The following CACNA2D3 variants were observed in gnomAD, a reference collection of about 807,000 sequenced individuals.
The protein encoded by CACNA2D3 is calcium voltage-gated channel auxiliary subunit alpha2delta 3.
Under a neutral mutation model 160.6 loss-of-function variants are expected in CACNA2D3, and 60 were observed. The observed-to-expected ratio is 0.37, with a 90% CI of 0.30 to 0.46. CACNA2D3 has a LOEUF of 0.46. Among genes scored for constraint, CACNA2D3 ranks in the 20% least tolerant of loss-of-function variants. The pLI, the probability that CACNA2D3 is intolerant of heterozygous loss-of-function variation, is 1.00. For missense variants in CACNA2D3, 1,205 were observed against 1,365.0 expected (o/e 0.88, Z 1.85); for synonymous variants, 558 against 492.9 (o/e 1.13, Z -1.75).
At chr3:54,520,932 A>G (rs1701638361) in intron 5 of CACNA2D3, among the ~76,000 whole-genome samples, 1 of 152,194 alleles carries the variant, frequency 6.6e-6, no homozygotes, top group Admixed American at 6.5e-5. Flanking sequence ...TTTGTACCAT[A>G]TATCAGTATT....
At chr3:54,231,494 C>T (rs570052119) in intron 2 of CACNA2D3, among the ~76,000 whole-genome samples, 21 of 152,310 alleles carry the variant, frequency 1.4e-4, no homozygotes, top group African/African-American at 5.1e-4. Flanking sequence ...ATCAGGTACT[C>T]TCTGAGCATC....
At chr3:54,212,638 T>C (rs1701396198) in intron 2 of CACNA2D3, among the ~76,000 whole-genome samples, 1 of 152,162 alleles carries the variant, frequency 6.6e-6, no homozygotes, top group African/African-American at 2.4e-5. Context: ...ATGAGGTGTG[T>C]CCGACCCCCA....
chr3:54,198,722 C>G (rs1576993626), intron 2 of CACNA2D3, among the ~76,000 whole-genome samples: 1 of 152,262 alleles, frequency 6.6e-6, no homozygotes, highest in African/African-American at 2.4e-5. Context: ...TCCCTCAGGC[C>G]CCGGGGGGTT....
rs889071255 is a variant in CACNA2D3, at chr3:55,007,627, A to G, written c.2767-163A>G. On this transcript the variant is annotated intron_variant, in intron 32 of 37. Coordinates refer to ENST00000474759, the MANE Select transcript of CACNA2D3 (RefSeq NM_018398.3). Reference sequence around the variant, plus strand: ...AGTTTTAAAATGTTTGTTTTAGGATACAGTATCCAACAATTTTCTTCACTT... The same window carrying G: ...AGTTTTAAAATGTTTGTTTTAGGATGCAGTATCCAACAATTTTCTTCACTT... 4 of 564,858 alleles carry G rather than the reference A, an allele frequency of 7.1e-6. No individual in the cohort carries two copies. In the African/African-American group the frequency reaches 7.9e-5, roughly 11 times the overall value. 35.0% of individuals were successfully genotyped at this position (564,858 alleles called of 1,614,324 possible). A position where few individuals can be genotyped will look rare whatever the true frequency, so the allele number is the denominator to read the frequency against.
At chr3:54,931,621 A>G (rs1254909397) in intron 27 of CACNA2D3, among the ~76,000 whole-genome samples, 1 of 152,220 alleles carries the variant, frequency 6.6e-6, no homozygotes, top group Non-Finnish European at 1.5e-5. Context: ...CCAGGACCCC[A>G]GGTTCCCACA....
At chr3:54,391,816 G>A (rs1699287624) in intron 4 of CACNA2D3, among the ~76,000 whole-genome samples, 1 of 152,106 alleles carries the variant, frequency 6.6e-6, no homozygotes, top group Non-Finnish European at 1.5e-5. Context: ...CAGCCTGGCA[G>A]GGTAACTTTC....
chr3:54,496,659 T>C (rs1701207888), intron 4 of CACNA2D3, among the ~76,000 whole-genome samples: 1 of 152,288 alleles, frequency 6.6e-6, no homozygotes, highest in Non-Finnish European at 1.5e-5. Flanking sequence ...AAATTCCAAA[T>C]TATCCATTTT....
chr3:54,671,370 G>A (rs1700157746), intron 11 of CACNA2D3, among the ~76,000 whole-genome samples: 1 of 152,002 alleles, frequency 6.6e-6, no homozygotes, highest in African/African-American at 2.4e-5. Flanking sequence ...TCACAGAGAG[G>A]CTCTTGGGAG....
Position 54,682,553 on chromosome 3 carries a change from G to C in CACNA2D3, c.1167+40312G>C, listed in dbSNP as rs549319467. ...AGGCACAAGAATCGCTTGAGCTGCA[G>C]TGAGCTGAGATGGTGCCACTGCACT... is the stretch of plus-strand genomic sequence containing the variant. On this transcript the variant is annotated intron_variant, in intron 11 of 37. Transcript: ENST00000474759. 3.9e-5 allele frequency among the ~76,000 whole-genome samples: 6 copies of C among 152,274 alleles called. No homozygotes were observed. In the East Asian group the frequency reaches 1.2e-3, roughly 29 times the overall value.
intron 2 of CACNA2D3, among the ~76,000 whole-genome samples, chr3:54,291,089 C>G (rs1037946200): frequency 6.6e-6 from 1 of 152,154 alleles, no homozygotes; most frequent in Non-Finnish European, 1.5e-5. Flanking sequence ...CCTACATACA[C>G]AGGATGGATG....
chr3:54,311,987 C>T (rs78469127), intron 2 of CACNA2D3, among the ~76,000 whole-genome samples: 2,015 of 152,186 alleles, frequency 0.013, 19 homozygotes, highest in Non-Finnish European at 0.02. Flanking sequence ...AGGGTGGGAA[C>T]GTGAGGCTTC....
intron 4 of CACNA2D3, among the ~76,000 whole-genome samples, chr3:54,461,277 G>A (rs1013572497): frequency 6.6e-6 from 1 of 151,256 alleles, no homozygotes; most frequent in East Asian, 1.9e-4. Context: ...GTATCAGGAT[G>A]ATGCTGGCCT....
At chr3:54,568,372 T>C (rs1174301135) in intron 6 of CACNA2D3, among the ~76,000 whole-genome samples, 1 of 152,178 alleles carries the variant, frequency 6.6e-6, no homozygotes, top group East Asian at 1.9e-4. Flanking sequence ...GGTCTTAAGA[T>C]CACTCACCAC....
intron 2 of CACNA2D3, among the ~76,000 whole-genome samples, chr3:54,124,188 T>G (rs1359911473): frequency 1.3e-5 from 2 of 152,172 alleles, no homozygotes; most frequent in Non-Finnish European, 2.9e-5. Context: ...GTCCACAAAC[T>G]TAAGAAATGG....
chr3:54,128,860 G>A (rs909685302), intron 2 of CACNA2D3, among the ~76,000 whole-genome samples: 5 of 152,230 alleles, frequency 3.3e-5, no homozygotes, highest in African/African-American at 1.2e-4. Context: ...ATTAGCATAT[G>A]TGATTTTTTT....
intron 35 of CACNA2D3, among the ~76,000 whole-genome samples, chr3:55,071,261 A>G (rs1197415235): frequency 6.6e-6 from 1 of 152,092 alleles, no homozygotes; most frequent in Non-Finnish European, 1.5e-5. Context: ...AACAAACATC[A>G]TAATGTTTAT....
chr3:54,778,133 G>T (rs1702458013), intron 13 of CACNA2D3, among the ~76,000 whole-genome samples: 1 of 152,086 alleles, frequency 6.6e-6, no homozygotes, highest in Non-Finnish European at 1.5e-5. Flanking sequence ...CTACGTGGCT[G>T]GAGCAGAAGG....
chr3:54,412,137 A>G (rs942068348), intron 4 of CACNA2D3, among the ~76,000 whole-genome samples: 16 of 152,092 alleles, frequency 1.1e-4, no homozygotes, highest in Non-Finnish European at 2.1e-4. Flanking sequence ...TATTGATCAT[A>G]ATGTCTGATA....
At chr3:54,501,375 A>T in intron 4 of CACNA2D3, among the ~76,000 whole-genome samples, 1 of 150,760 alleles carries the variant, frequency 6.6e-6, no homozygotes, top group South Asian at 2.1e-4. Flanking sequence ...AAAATATTTT[A>T]TGTACCTTCA....
Sources: gnomAD v4.1 joint callset for allele counts (sites outside exome capture counted in the v4.1 genomes callset) on GRCh38, gnomAD v4.1.1 for gene constraint, MANE v1.5 for transcripts, NCBI Gene and HGNC (gene_info 2026-07-23, HGNC 2026-07-21) for gene names.